The following BAIAP2L1 variants were observed in gnomAD, a reference collection of about 807,000 sequenced individuals.
BAIAP2L1 encodes the protein BAR/IMD domain containing adaptor protein 2 like 1.
BAIAP2L1 carries 35 observed loss-of-function variants against 66.3 expected under a neutral mutation model. That is an observed-to-expected ratio of 0.53 (90% CI 0.40 to 0.70). The LOEUF (loss-of-function observed/expected upper bound fraction) is 0.70, where lower values mean the gene tolerates loss of function less well. Among genes scored for constraint, BAIAP2L1 ranks in the 30% least tolerant of loss-of-function variants. BAIAP2L1 has a pLI of 0.00. For missense variants in BAIAP2L1, 622 were observed against 656.9 expected (o/e 0.95, Z 0.58); for synonymous variants, 269 against 248.7 (o/e 1.08, Z -0.77).
intron 1 of BAIAP2L1, chr7:98,400,237 A>G: frequency 8.3e-6 from 1 of 120,010 alleles, no homozygotes; most frequent in Non-Finnish European, 1.7e-5. Context: ...CAGAGCTCTG[A>G]GGGTCAGGGA....
intron 1 of BAIAP2L1, among the ~76,000 whole-genome samples, chr7:98,394,246 C>CAAACAAAG (rs1404801800): frequency 6.6e-6 from 1 of 151,666 alleles, no homozygotes. Flanking sequence ...GTCTCAAAAA[C>CAAACAAAG]AAACAAACAA....
chr7:98,381,645 G>A (rs1161378708), intron 1 of BAIAP2L1, among the ~76,000 whole-genome samples: 1 of 152,170 alleles, frequency 6.6e-6, no homozygotes. Flanking sequence ...TGCTTCTTCT[G>A]ATATATTACT....
At chr7:98,395,732 G>C (rs868857624) in intron 1 of BAIAP2L1, among the ~76,000 whole-genome samples, 57 of 151,996 alleles carry the variant, frequency 3.8e-4, no homozygotes, top group African/African-American at 1.2e-3. Flanking sequence ...TTTTAAGCTG[G>C]AATATTGAGT....
chr7:98,296,040 CCCAGA>C (rs934747244), intron 12 of BAIAP2L1, among the ~76,000 whole-genome samples: 5 of 152,104 alleles, frequency 3.3e-5, no homozygotes, highest in Non-Finnish European at 7.4e-5. Flanking sequence ...GGAGAAACAG[CCCAGA>C]CCAGAAACAC....
chr7:98,321,819 G>A (rs2158553), intron 3 of BAIAP2L1, among the ~76,000 whole-genome samples: 61,275 of 152,038 alleles, frequency 0.4, 13,326 homozygotes, highest in Middle Eastern at 0.55. Context: ...ATTCCAGGCC[G>A]GGTGTGGTGG....
chr7:98,329,392 G>A (rs1264468555), intron 3 of BAIAP2L1, among the ~76,000 whole-genome samples: 1 of 152,180 alleles, frequency 6.6e-6, no homozygotes, highest in Non-Finnish European at 1.5e-5. Context: ...TGGGGGCTTG[G>A]CATGGAGGAG....
At position 98,315,561 on chromosome 7, in the gene BAIAP2L1, C is replaced by G; in HGVS notation, c.538G>C (p.Asp180His). ...TCAAGCAGAGCCTCTTTGCAACCATCTGCAATGAATTTCTGGATTTCACTC... is the reference window on the plus strand; with the variant it reads ...TCAAGCAGAGCCTCTTTGCAACCATGTGCAATGAATTTCTGGATTTCACTC... ...RQSEIQKFIA[D>H]GCKEALLEEK... is the part of the protein sequence containing the mutation. The change falls in exon 7 of 14, where the codon GAT (aspartate) becomes CAT (histidine). Residue 180 changes from aspartate to histidine, a missense_variant. Coordinates refer to ENST00000005260, the MANE Select transcript of BAIAP2L1 (RefSeq NM_018842.5). 1 of 1,498,656 alleles carries G rather than the reference C, an allele frequency of 6.7e-7. No individual in the cohort carries two copies. Among genetic ancestry groups the G allele is most frequent in the East Asian group, 2.5e-5 (1 of 40,334 alleles). 92.8% of individuals were successfully genotyped at this position (1,498,656 alleles called of 1,614,324 possible).
chr7:98,361,117 G>A (rs1377933714), intron 2 of BAIAP2L1, among the ~76,000 whole-genome samples: 2 of 152,194 alleles, frequency 1.3e-5, no homozygotes, highest in African/African-American at 4.8e-5. Flanking sequence ...AGCACTTTGG[G>A]AGGCTGAGGG....
intron 1 of BAIAP2L1, among the ~76,000 whole-genome samples, chr7:98,369,112 C>G (rs1802454534): frequency 6.6e-6 from 1 of 151,068 alleles, no homozygotes; most frequent in African/African-American, 2.4e-5. Context: ...AGATTTCACT[C>G]ATTTTCAAAA....
At chr7:98,297,733 G>A (rs12704983) in intron 12 of BAIAP2L1, among the ~76,000 whole-genome samples, 61,137 of 152,130 alleles carry the variant, frequency 0.4, 13,412 homozygotes, top group Middle Eastern at 0.54. Context: ...TTTGGAAGCC[G>A]AGGCACCCAT....
chr7:98,322,176 T>C (rs775006756), intron 3 of BAIAP2L1, among the ~76,000 whole-genome samples: 1 of 151,920 alleles, frequency 6.6e-6, no homozygotes, highest in African/African-American at 2.4e-5. Context: ...TGGTAGAATA[T>C]GGGGAGAGAG....
At chr7:98,317,822 G>A (rs939201420) in intron 5 of BAIAP2L1, among the ~76,000 whole-genome samples, 2 of 150,222 alleles carry the variant, frequency 1.3e-5, no homozygotes, top group African/African-American at 4.9e-5. Context: ...ACGCTGGCTG[G>A]GACTGTCACC....
chr7:98,343,926 A>C (rs1180870190), intron 3 of BAIAP2L1, among the ~76,000 whole-genome samples: 1 of 152,220 alleles, frequency 6.6e-6, no homozygotes, highest in Non-Finnish European at 1.5e-5. Flanking sequence ...CACGCCTGTA[A>C]TCCCAGCACT....
At chr7:98,337,105 C>A (rs952561536) in intron 3 of BAIAP2L1, among the ~76,000 whole-genome samples, 1 of 152,130 alleles carries the variant, frequency 6.6e-6, no homozygotes, top group African/African-American at 2.4e-5. Flanking sequence ...TGAGTCAGGG[C>A]CAACTAAAAC....
intron 3 of BAIAP2L1, among the ~76,000 whole-genome samples, chr7:98,341,470 C>T (rs1230091323): frequency 6.6e-6 from 1 of 152,062 alleles, no homozygotes; most frequent in Admixed American, 6.6e-5. Flanking sequence ...ACTGCTTCAG[C>T]CCAGGAGTTC....
chr7:98,300,995 C>T (rs1562964287), intron 12 of BAIAP2L1, among the ~76,000 whole-genome samples: 1 of 152,224 alleles, frequency 6.6e-6, no homozygotes, highest in Non-Finnish European at 1.5e-5. Context: ...TCGAGCGCTC[C>T]CTGGACTCCA....
chr7:98,339,815 T>C (rs1186802040), intron 3 of BAIAP2L1, among the ~76,000 whole-genome samples: 1 of 152,214 alleles, frequency 6.6e-6, no homozygotes, highest in Non-Finnish European at 1.5e-5. Flanking sequence ...GTGAAAAAGT[T>C]AGAAATCCAC....
rs1002598650 is a variant in BAIAP2L1, at chr7:98,362,264, A to G, written c.127+93T>C. On this transcript the variant is annotated intron_variant, in intron 2 of 13. Transcript: ENST00000005260. ...ATTGTGAACAATTTTTAACCACTTA[A>G]AGGTATTTAAAAATTCAATACTAAG... is the stretch of plus-strand genomic sequence containing the variant. 3.1e-6 allele frequency: 3 copies of G among 955,686 alleles called. No individual in the cohort carries two copies. In the Admixed American group the frequency reaches 6.9e-5, roughly 22 times the overall value. The allele number at this position is 955,686 out of a possible 1,614,324, so 59.2% of individuals were successfully genotyped here.
intron 1 of BAIAP2L1, among the ~76,000 whole-genome samples, chr7:98,377,232 CA>C (rs1447601881): frequency 6.6e-6 from 1 of 152,176 alleles, no homozygotes; most frequent in East Asian, 1.9e-4. Context: ...GACTGACAGG[CA>C]TTTACATGGC....
Sources: allele counts gnomAD v4.1 joint callset (sites outside exome capture counted in the v4.1 genomes callset), GRCh38; gene constraint gnomAD v4.1.1; transcripts MANE v1.5; gene names NCBI Gene and HGNC (gene_info 2026-07-23, HGNC 2026-07-21).